Variants in TESC observed in about 807,000 individuals in gnomAD.
TESC encodes the protein calcineurin B homologous protein 3.
In TESC, 19 loss-of-function variants were observed where a neutral mutation model predicts 31.0. That is an observed-to-expected ratio of 0.61 (90% CI 0.43 to 0.90). The LOEUF is 0.90. Ranked by LOEUF, TESC falls within the 40% of genes least tolerant of loss-of-function variation. The pLI is 0.00. For synonymous variants in TESC, 109 were observed against 114.8 expected, an observed-to-expected ratio of 0.95 and a Z score of 0.32; for missense variants, 248 against 303.8, an observed-to-expected ratio of 0.82 and a Z score of 1.36.
intron 6 of TESC, among the ~76,000 whole-genome samples, chr12:117,045,872 C>CT (rs892945277): frequency 1.3e-5 from 2 of 152,232 alleles, no homozygotes; most frequent in Admixed American, 6.5e-5. Flanking sequence ...TCCCCAGAGG[C>CT]TTAGAGCCTT....
intron 1 of TESC, among the ~76,000 whole-genome samples, chr12:117,087,277 T>C (rs1201940964): frequency 1.3e-5 from 2 of 152,240 alleles, no homozygotes; most frequent in Non-Finnish European, 2.9e-5. Flanking sequence ...CAGCAGCAGC[T>C]TGAAGATTAA....
chr12:117,051,972 G>A (rs934205076), intron 3 of TESC, among the ~76,000 whole-genome samples: 42 of 152,148 alleles, frequency 2.8e-4, no homozygotes, highest in African/African-American at 8.0e-4. Flanking sequence ...ATGAGATCTC[G>A]CTATATTGCC....
At chr12:117,089,743 G>C (rs1955280836) in intron 1 of TESC, among the ~76,000 whole-genome samples, 1 of 152,036 alleles carries the variant, frequency 6.6e-6, no homozygotes, top group Non-Finnish European at 1.5e-5. Context: ...GAAAGATTAA[G>C]AGGCATGCAG....
intron 3 of TESC, among the ~76,000 whole-genome samples, chr12:117,051,485 C>T (rs542547344): frequency 8.5e-4 from 129 of 152,212 alleles, no homozygotes; most frequent in Middle Eastern, 3.4e-3. Context: ...TCTCTTTTAT[C>T]GTATGAAGCT....
chr12:117,072,113 G>T (rs566346746), intron 2 of TESC, among the ~76,000 whole-genome samples: 196 of 152,296 alleles, frequency 1.3e-3, no homozygotes, highest in Non-Finnish European at 1.6e-3. Context: ...AAAAGTGGGA[G>T]GGGCCTCCAA....
chr12:117,063,411 A>C (rs564063111), intron 2 of TESC, among the ~76,000 whole-genome samples: 42 of 152,292 alleles, frequency 2.8e-4, no homozygotes, highest in African/African-American at 9.9e-4. Flanking sequence ...TCAGGCCAAC[A>C]AGAAGGGAAG....
intron 3 of TESC, among the ~76,000 whole-genome samples, chr12:117,053,077 C>T (rs374550275): frequency 6.6e-6 from 1 of 152,198 alleles, no homozygotes; most frequent in East Asian, 1.9e-4. Context: ...AGGCCCGTCG[C>T]GCCTGGAGTC....
intron 5 of TESC, 51 bp from the exon 6 acceptor site, chr12:117,046,717 G>A (rs1009108556): frequency 2.6e-5 from 40 of 1,552,618 alleles, no homozygotes; most frequent in African/African-American, 1.2e-4. Flanking sequence ...CATCAGGGTC[G>A]TGGGGGGCAG....
intron 2 of TESC, among the ~76,000 whole-genome samples, chr12:117,074,300 TG>T (rs1955020277): frequency 6.6e-6 from 1 of 151,608 alleles, no homozygotes; most frequent in African/African-American, 2.4e-5. Flanking sequence ...CCCAAGAGGT[TG>T]AGGCTGCAGT....
At chr12:117,056,205 A>T (rs1954721770) in intron 3 of TESC, among the ~76,000 whole-genome samples, 1 of 150,754 alleles carries the variant, frequency 6.6e-6, no homozygotes, top group Non-Finnish European at 1.5e-5. Flanking sequence ...TACAGGTATG[A>T]CCCACTGTGC....
At chr12:117,083,814 T>C (rs371589956) in intron 1 of TESC, among the ~76,000 whole-genome samples, 2 of 152,250 alleles carry the variant, frequency 1.3e-5, no homozygotes, top group African/African-American at 4.8e-5. Context: ...TAGGTAGTGG[T>C]GGCCAGGCAC....
At chr12:117,076,873 G>T (rs915746463) in intron 1 of TESC, among the ~76,000 whole-genome samples, 3 of 152,180 alleles carry the variant, frequency 2.0e-5, no homozygotes, top group Non-Finnish European at 4.4e-5. Flanking sequence ...TCACCAAGAA[G>T]TAATATCGCC....
chr12:117,048,128 C>T (rs1309130346), intron 4 of TESC, among the ~76,000 whole-genome samples: 1 of 152,204 alleles, frequency 6.6e-6, no homozygotes. Flanking sequence ...CCCCAAGAGG[C>T]CAGGGATGCC....
chr12:117,073,680 T>C (rs184764756), intron 2 of TESC, among the ~76,000 whole-genome samples: 2 of 152,326 alleles, frequency 1.3e-5, no homozygotes, highest in East Asian at 1.9e-4. Flanking sequence ...TGAATGCTTA[T>C]TTTAGGAAAC....
chr12:117,051,985 G>T (rs1344674757), intron 3 of TESC, among the ~76,000 whole-genome samples: 1 of 152,072 alleles, frequency 6.6e-6, no homozygotes, highest in African/African-American at 2.4e-5. Context: ...ATATTGCCCA[G>T]ACTGGTCTTG....
rs1592992774 is a variant in TESC, at chr12:117,046,598, C to T, written c.480G>A (p.Gly160=). The T allele has an allele frequency of 6.4e-7, 1 of 1,551,312 alleles. No homozygotes were observed. Among genetic ancestry groups the T allele is most frequent in the Non-Finnish European group, 8.7e-7 (1 of 1,147,004 alleles). Residue 160 remains glycine (G), a synonymous_variant, in exon 6 of 8, where the codon GGG becomes GGA. Coordinates refer to ENST00000335209, the MANE Select transcript of TESC (RefSeq NM_017899.4). ...ACACGCTGGCCGCCTCCATCATGGC[C>T]CCGTCGGCGATGGAGCGAGCGGACT... ...EKESARSIAD[G]AMMEAASVCM...
intron 1 of TESC, among the ~76,000 whole-genome samples, chr12:117,075,864 T>TTTTTTTTTTTTTTAGAA (rs1955048378): frequency 2.2e-5 from 1 of 46,004 alleles, no homozygotes; most frequent in African/African-American, 1.0e-4. Flanking sequence ...TATATATATA[T>TTTTTTTTTTTTTTAGAA]ATATATGTGT....
At chr12:117,095,919 A>G (rs1955387776) in intron 1 of TESC, among the ~76,000 whole-genome samples, 1 of 152,130 alleles carries the variant, frequency 6.6e-6, no homozygotes, top group Non-Finnish European at 1.5e-5. Context: ...AAAAGAAAGT[A>G]GGCTTGGGGA....
Position 117,049,092 on chromosome 12 carries a change from C to T in TESC, c.276G>A (p.Met92Ile). ...EINFEDFLTI[M>I]SYFRPIDTTM... The stretch of plus-strand genomic sequence containing the variant: ...TGGTGTCGATGGGCCGGAAGTAGGA[C>T]ATGATGGTCAGGAAGTCCTCGAAAT... The change falls in exon 4 of 8, where the codon ATG becomes ATA. Residue 92 changes from methionine (M) to isoleucine (I), a missense_variant. Physicochemically the swap from Met to Ile is conservative, Grantham distance 10. Coordinates refer to ENST00000335209, the MANE Select transcript of TESC (RefSeq NM_017899.4). 2 of 1,614,248 alleles carry T rather than the reference C, an allele frequency of 1.2e-6. No individual in the cohort carries two copies. Among genetic ancestry groups the T allele is most frequent in the Non-Finnish European group, 1.7e-6 (2 of 1,180,046 alleles).
Sources: allele counts gnomAD v4.1 joint callset (sites outside exome capture counted in the v4.1 genomes callset), GRCh38; gene constraint gnomAD v4.1.1; transcripts MANE v1.5; gene names NCBI Gene and HGNC (gene_info 2026-07-23, HGNC 2026-07-21).